Variants in EML6 observed in about 807,000 individuals in gnomAD.
EML6 encodes the protein EMAP like 6, also known as echinoderm microtubule-associated protein-like 6.
In EML6, 154 loss-of-function variants were observed where a neutral mutation model predicts 240.1. The ratio of observed to expected loss-of-function variants is 0.64; its 90% CI spans 0.56 to 0.73. The LOEUF is 0.73. Among genes scored for constraint, EML6 ranks in the 30% least tolerant of loss-of-function variants. The probability of loss-of-function intolerance (pLI) is 0.00; values close to 1 mark genes in which losing one functional copy is unlikely to be tolerated. For synonymous variants in EML6, 1,148 were observed against 899.0 expected, an observed-to-expected ratio of 1.28 and a Z score of -4.95; for missense variants, 2,964 against 2,474.6, an observed-to-expected ratio of 1.20 and a Z score of -4.20.
At chr2:54,844,320 A>G in intron 8 of EML6, 72 bp downstream of exon 8, 2 of 1,152,042 alleles carry the variant, frequency 1.7e-6, no homozygotes, top group Admixed American at 2.0e-5. Flanking sequence ...GCTTATTAAT[A>G]GAAGGATAAA....
At chr2:54,868,189 T>C (rs920919483) in intron 14 of EML6, 1 of 152,218 alleles carries the variant, frequency 6.6e-6, no homozygotes, top group African/African-American at 2.4e-5. Context: ...TTTTCTAATA[T>C]GGCAACAAAT....
At chr2:54,868,968 G>T (rs946312785) in intron 14 of EML6, 2 of 477,242 alleles carry the variant, frequency 4.2e-6, no homozygotes, top group Middle Eastern at 5.3e-4. Context: ...AACAGATTCT[G>T]TTACAATGTT....
At chr2:54,820,256 C>G in intron 4 of EML6, 138 bp from the exon 5 acceptor site, 1 of 595,518 alleles carries the variant, frequency 1.7e-6, no homozygotes, top group Admixed American at 3.3e-5. Context: ...CATTCCAAGC[C>G]AAATCTTCCA....
At chr2:54,877,190 C>T (rs1360235018) in intron 16 of EML6, among the ~76,000 whole-genome samples, 1 of 151,998 alleles carries the variant, frequency 6.6e-6, no homozygotes, top group East Asian at 1.9e-4. Context: ...CCTCATGTTG[C>T]CCAGGCTGAT....
At chr2:54,801,692 C>T (rs1172904317) in intron 2 of EML6, among the ~76,000 whole-genome samples, 1 of 147,486 alleles carries the variant, frequency 6.8e-6, no homozygotes, top group East Asian at 1.9e-4. Flanking sequence ...CTTTCATTTC[C>T]ATTTAATGAT....
intron 2 of EML6, among the ~76,000 whole-genome samples, chr2:54,789,918 C>G (rs555606835): frequency 1.3e-5 from 2 of 152,348 alleles, no homozygotes; most frequent in East Asian, 1.9e-4. Flanking sequence ...ATTGACTTCT[C>G]TGGCTCTTGG....
chr2:54,913,071 G>GTTTTTTTTTTTTTT (rs1216432893), intron 25 of EML6, among the ~76,000 whole-genome samples: 2 of 125,730 alleles, frequency 1.6e-5, no homozygotes, highest in Non-Finnish European at 3.3e-5. Flanking sequence ...GCCAGATTCT[G>GTTTTTTTTTTTTTT]TTTTTTTTTT....
intron 2 of EML6, among the ~76,000 whole-genome samples, chr2:54,762,003 A>G (rs949730296): frequency 1.3e-5 from 2 of 152,196 alleles, no homozygotes; most frequent in African/African-American, 4.8e-5. Context: ...TGTTGACACA[A>G]TACTGTTATC....
intron 2 of EML6, among the ~76,000 whole-genome samples, chr2:54,789,369 C>T (rs1427952515): frequency 6.6e-6 from 1 of 151,354 alleles, no homozygotes; most frequent in Non-Finnish European, 1.5e-5. Flanking sequence ...AAAAAATTAG[C>T]CGGGCGTGAT....
chr2:54,812,056 T>G (rs1667874034), intron 2 of EML6, among the ~76,000 whole-genome samples: 1 of 152,206 alleles, frequency 6.6e-6, no homozygotes, highest in Admixed American at 6.5e-5. Flanking sequence ...CACACAGGCA[T>G]GTTTATGTTG....
At chr2:54,807,429 GT>G (rs1670555821) in intron 2 of EML6, among the ~76,000 whole-genome samples, 1 of 152,146 alleles carries the variant, frequency 6.6e-6, no homozygotes, top group Non-Finnish European at 1.5e-5. Context: ...ACGCTTTTAT[GT>G]TTATTCTGCA....
intron 39 of EML6, 35 bp from the exon 40 acceptor site, chr2:54,968,093 T>G: frequency 6.5e-7 from 1 of 1,546,218 alleles, no homozygotes; most frequent in Non-Finnish European, 8.7e-7. Flanking sequence ...CGCCGTGACT[T>G]CCTTCTATCC....
intron 16 of EML6, among the ~76,000 whole-genome samples, chr2:54,878,957 C>T (rs1291035578): frequency 6.6e-6 from 1 of 152,060 alleles, no homozygotes; most frequent in African/African-American, 2.4e-5. Context: ...TCTAAATTTC[C>T]TATAACAAGT....
chr2:54,854,365 A>G (rs928035660), intron 11 of EML6, among the ~76,000 whole-genome samples: 4 of 152,204 alleles, frequency 2.6e-5, no homozygotes, highest in African/African-American at 9.6e-5. Flanking sequence ...AGTTTGATTC[A>G]AAGCAACCCT....
chr2:54,801,342 C>T (rs1426922710), intron 2 of EML6, among the ~76,000 whole-genome samples: 1 of 151,518 alleles, frequency 6.6e-6, no homozygotes, highest in African/African-American at 2.4e-5. Context: ...AAAGGTTTCT[C>T]ATTGGAATTG....
chr2:54,888,840 G>A (rs1385366723), intron 17 of EML6, among the ~76,000 whole-genome samples: 1 of 152,172 alleles, frequency 6.6e-6, no homozygotes, highest in Non-Finnish European at 1.5e-5. Context: ...GCAGGTTTCT[G>A]TGTGGACATA....
intron 37 of EML6, 57 bp from the exon 38 acceptor site, chr2:54,964,514 C>G: frequency 6.6e-7 from 1 of 1,515,506 alleles, no homozygotes; most frequent in Non-Finnish European, 8.9e-7. Context: ...GCCTTCGTGC[C>G]TGACCAGCCC....
chr2:54,916,263 C>G (rs1447231028), intron 25 of EML6, among the ~76,000 whole-genome samples: 1 of 152,166 alleles, frequency 6.6e-6, no homozygotes, highest in African/African-American at 2.4e-5. Context: ...GTCAGTGATT[C>G]TCAACTGAGA....
At chr2:54,814,813 A>G (rs1330660345) in intron 3 of EML6, among the ~76,000 whole-genome samples, 1 of 152,154 alleles carries the variant, frequency 6.6e-6, no homozygotes, top group African/African-American at 2.4e-5. Flanking sequence ...GATTTATTAC[A>G]TATGTAGACC....
Sources: gnomAD v4.1 joint callset for allele counts (sites outside exome capture counted in the v4.1 genomes callset) on GRCh38, gnomAD v4.1.1 for gene constraint, MANE v1.5 for transcripts, NCBI Gene and HGNC (gene_info 2026-07-23, HGNC 2026-07-21) for gene names.